Variants in ADAMTSL1 observed in about 807,000 individuals in gnomAD.
ADAMTSL1 encodes ADAMTS-like protein 1.
ADAMTSL1 carries 126 observed loss-of-function variants against 201.8 expected under a neutral mutation model. That is an observed-to-expected ratio of 0.62 (90% confidence interval 0.54 to 0.72). The LOEUF (loss-of-function observed/expected upper bound fraction) is 0.72. Among genes scored for constraint, ADAMTSL1 ranks in the 30% least tolerant of loss-of-function variants. ADAMTSL1 has a pLI of 0.00. For missense variants in ADAMTSL1, 2,679 were observed against 2,277.8 expected (o/e 1.18, Z -3.59); for synonymous variants, 1,121 against 903.4 (o/e 1.24, Z -4.32).
rs143892674 is a variant in ADAMTSL1 at position 18,559,271 on chromosome 9, C to A, written c.238-14759C>A. On this transcript the variant is annotated intron_variant, in intron 3 of 28. Transcript: ENST00000380548. ...CCATTTATTAAATAGGGAACCCTTT[C>A]ACTATTGCTTGTTTTTGTCAGGTTT... Among the ~76,000 whole-genome samples the A allele has an allele frequency of 6.0e-3, 921 of 152,250 alleles. 6 individuals carry two copies. The highest frequency in any genetic ancestry group is 0.016 in the South Asian group (76 of 4,822).
intron 1 of ADAMTSL1, among the ~76,000 whole-genome samples, chr9:18,124,096 T>TTTC (rs1825628371): frequency 1.4e-5 from 2 of 147,944 alleles, no homozygotes; most frequent in African/African-American, 5.0e-5. Flanking sequence ...TTTTTTTTTT[T>TTTC]TTTTGAGATG....
At chr9:18,804,406 G>A (rs1822979316) in intron 20 of ADAMTSL1, among the ~76,000 whole-genome samples, 1 of 152,180 alleles carries the variant, frequency 6.6e-6, no homozygotes, top group Non-Finnish European at 1.5e-5. Context: ...ATGTAAAGGA[G>A]GCCTTGCAAG....
chr9:17,942,043 A>G (rs1212430342), intron 1 of ADAMTSL1, among the ~76,000 whole-genome samples: 1 of 152,282 alleles, frequency 6.6e-6, no homozygotes, highest in East Asian at 1.9e-4. Context: ...AGCGTTCATT[A>G]TATAGCTGCT....
At chr9:17,940,373 C>A (rs1588448876) in intron 1 of ADAMTSL1, among the ~76,000 whole-genome samples, 1 of 152,002 alleles carries the variant, frequency 6.6e-6, no homozygotes, top group South Asian at 2.1e-4. Flanking sequence ...ACGGAAAGGA[C>A]AAACTTCTTA....
intron 2 of ADAMTSL1, among the ~76,000 whole-genome samples, chr9:18,369,611 T>G (rs1265459176): frequency 1.3e-5 from 2 of 152,168 alleles, no homozygotes; most frequent in Non-Finnish European, 2.9e-5. Context: ...ATTAGACCCA[T>G]CTATCCTACT....
chr9:18,624,038 G>C (rs1436591965), intron 5 of ADAMTSL1, among the ~76,000 whole-genome samples: 1 of 152,160 alleles, frequency 6.6e-6, no homozygotes, highest in Non-Finnish European at 1.5e-5. Context: ...AAGGCAGCTT[G>C]CCAAAGGATT....
intron 1 of ADAMTSL1, among the ~76,000 whole-genome samples, chr9:18,018,342 ACTGT>A (rs1820342796): frequency 6.6e-6 from 1 of 152,182 alleles, no homozygotes; most frequent in Admixed American, 6.5e-5. Flanking sequence ...AACCTTTAAG[ACTGT>A]CTGAAATAAT....
At chr9:18,224,151 C>T (rs970973024) in intron 2 of ADAMTSL1, among the ~76,000 whole-genome samples, 2 of 151,986 alleles carry the variant, frequency 1.3e-5, no homozygotes, top group Admixed American at 1.3e-4. Flanking sequence ...GGTCTTGGTC[C>T]CTTTGTGCTG....
intron 23 of ADAMTSL1, among the ~76,000 whole-genome samples, chr9:18,880,500 G>C (rs1048086879): frequency 6.6e-6 from 1 of 152,174 alleles, no homozygotes; most frequent in Admixed American, 6.5e-5. Flanking sequence ...TGGGTAGACA[G>C]GTGCATTGTC....
chr9:18,878,264 C>G (rs1408945710), intron 23 of ADAMTSL1, among the ~76,000 whole-genome samples: 1 of 151,418 alleles, frequency 6.6e-6, no homozygotes, highest in Non-Finnish European at 1.5e-5. Context: ...CTTCTGTGCT[C>G]CTATCTGCAC....
At chr9:18,768,268 T>C (rs530683787) in intron 16 of ADAMTSL1, among the ~76,000 whole-genome samples, 11 of 152,240 alleles carry the variant, frequency 7.2e-5, no homozygotes, top group South Asian at 6.2e-4. Context: ...CTACCCTCCA[T>C]TGGGTCTGCA....
intron 13 of ADAMTSL1, among the ~76,000 whole-genome samples, chr9:18,702,892 A>G (rs1377560855): frequency 6.6e-6 from 1 of 151,876 alleles, no homozygotes. Context: ...CCTCCCGAGT[A>G]GCTGGGATTA....
chr9:18,212,172 A>T (rs1829895468), intron 2 of ADAMTSL1, among the ~76,000 whole-genome samples: 1 of 152,038 alleles, frequency 6.6e-6, no homozygotes, highest in Non-Finnish European at 1.5e-5. Context: ...TGTTTAATCT[A>T]CCAGTTCCTG....
At chr9:18,753,200 T>A (rs1819557346) in intron 15 of ADAMTSL1, 98 bp from the exon 16 acceptor site, 1 of 1,233,578 alleles carries the variant, frequency 8.1e-7, no homozygotes, top group Non-Finnish European at 1.2e-6. Flanking sequence ...CACTTCCCAC[T>A]TTCCCAGTTA....
intron 16 of ADAMTSL1, among the ~76,000 whole-genome samples, chr9:18,759,267 T>TA (rs1389726243): frequency 6.6e-6 from 1 of 152,120 alleles, no homozygotes; most frequent in Non-Finnish European, 1.5e-5. Context: ...TTCAACTATG[T>TA]AAAAAAGCAT....
chr9:18,089,183 T>G (rs1370754596), intron 1 of ADAMTSL1, among the ~76,000 whole-genome samples: 2 of 151,972 alleles, frequency 1.3e-5, no homozygotes, highest in African/African-American at 2.4e-5. Flanking sequence ...ACAAAAAATT[T>G]GTGACTCTGC....
intron 2 of ADAMTSL1, among the ~76,000 whole-genome samples, chr9:18,446,261 C>T (rs927577059): frequency 6.6e-6 from 1 of 152,162 alleles, no homozygotes; most frequent in African/African-American, 2.4e-5. Flanking sequence ...AAAACTAAAT[C>T]TCACTCCCAA....
chr9:18,892,047 C>T (rs1829309439), intron 25 of ADAMTSL1, among the ~76,000 whole-genome samples: 1 of 152,200 alleles, frequency 6.6e-6, no homozygotes, highest in Admixed American at 6.5e-5. Flanking sequence ...CCACATTCAG[C>T]CTTCATGGTC....
In ADAMTSL1 at chr9:18,228,235, T is replaced by G. The variant is rs1314077982; in HGVS notation, c.207+64254T>G. 2.0e-5 allele frequency among the ~76,000 whole-genome samples: 3 copies of G among 152,156 alleles called. No individual in the cohort carries two copies. In the South Asian group the frequency reaches 6.2e-4, roughly 32 times the overall value. On this transcript the variant is annotated intron_variant, in intron 2 of 29. Coordinates refer to the ADAMTSL1 transcript ENST00000680146. ...AAGTCGATCAGCTCTTAAGGCTTGATGATAGTTCCTGCGTGGTTTGGATAA... is the reference window on the plus strand; with the variant it reads ...AAGTCGATCAGCTCTTAAGGCTTGAGGATAGTTCCTGCGTGGTTTGGATAA...
Sources: allele counts gnomAD v4.1 joint callset (sites outside exome capture counted in the v4.1 genomes callset), GRCh38; gene constraint gnomAD v4.1.1; transcripts MANE v1.5; gene names NCBI Gene and HGNC (gene_info 2026-07-23, HGNC 2026-07-21).